RIMS2: variants seen among roughly 807,000 people sequenced by gnomAD.
RIMS2 encodes regulating synaptic membrane exocytosis protein 2.
A neutral mutation model predicts 174.4 loss-of-function variants in RIMS2; 59 were observed. The observed-to-expected ratio is 0.34, with a 90% CI of 0.27 to 0.42. RIMS2 has a LOEUF of 0.42. Ranked by LOEUF, RIMS2 falls within the 10% of genes least tolerant of loss-of-function variation. The probability of loss-of-function intolerance (pLI) is 1.00; values close to 1 mark genes in which losing one functional copy is unlikely to be tolerated. For missense variants in RIMS2, 1,620 were observed against 1,666.3 expected (o/e 0.97, Z 0.48); for synonymous variants, 606 against 572.5 (o/e 1.06, Z -0.84).
intron 2 of RIMS2, among the ~76,000 whole-genome samples, chr8:103,717,729 A>C (rs2097390972): frequency 6.6e-6 from 1 of 152,188 alleles, no homozygotes; most frequent in African/African-American, 2.4e-5. Flanking sequence ...TAAAAGTATA[A>C]TTTTGTGTGG....
At chr8:103,977,182 A>G (rs1224650033) in intron 16 of RIMS2, 1 of 152,214 alleles carries the variant, frequency 6.6e-6, no homozygotes, top group African/African-American at 2.4e-5. Flanking sequence ...ATAAGACACT[A>G]AAATAAGATT....
rs183361596 is a variant in RIMS2 at position 103,708,383 on chromosome 8, C to T, written c.387+11087C>T. On this transcript the variant is annotated intron_variant, in intron 2 of 23. Transcript: ENST00000504942. ...ATATATTCTTTCCTCTGGCTGTGCT[C>T]TCTAGGGTTGGGTGAGGAGTGGTGT... Among the ~76,000 whole-genome samples, 706 of 152,278 alleles carry T rather than the reference C, an allele frequency of 4.6e-3. 4 individuals carry two copies. Among genetic ancestry groups the T allele is most frequent in the Non-Finnish European group, 7.8e-3 (533 of 68,016 alleles).
intron 1 of RIMS2, among the ~76,000 whole-genome samples, chr8:103,586,184 A>G (rs937431730): frequency 2.0e-5 from 3 of 152,160 alleles, no homozygotes; most frequent in Admixed American, 6.5e-5. Context: ...GCATTGGACA[A>G]ATCTTCCAGA....
chr8:104,062,804 A>G (rs1465661719), intron 19 of RIMS2, among the ~76,000 whole-genome samples: 1 of 151,958 alleles, frequency 6.6e-6, no homozygotes, highest in Non-Finnish European at 1.5e-5. Flanking sequence ...TATTTTCTTT[A>G]TCTTCTTTTG....
At chr8:103,559,056 C>CTTTTTCTTT (rs2091095495) in intron 1 of RIMS2, 1 of 99,054 alleles carries the variant, frequency 1.0e-5, no homozygotes, top group African/African-American at 4.2e-5. Context: ...TATTTTTTAA[C>CTTTTTCTTT]TTTTTTTTTT....
chr8:104,247,347 A>G (rs180793623), intron 20 of RIMS2, among the ~76,000 whole-genome samples: 11 of 152,258 alleles, frequency 7.2e-5, no homozygotes, highest in Admixed American at 5.2e-4. Context: ...CTTGGCTTGC[A>G]GATGGCCACC....
At chr8:104,161,377 AG>A (rs1387360219) in intron 19 of RIMS2, among the ~76,000 whole-genome samples, 5 of 152,208 alleles carry the variant, frequency 3.3e-5, no homozygotes, top group South Asian at 4.1e-4. Flanking sequence ...ATGAGCAGAC[AG>A]AGAGTATTTG....
At chr8:103,696,449 A>G (rs1344354520) in intron 1 of RIMS2, among the ~76,000 whole-genome samples, 1 of 152,200 alleles carries the variant, frequency 6.6e-6, no homozygotes, top group Non-Finnish European at 1.5e-5. Context: ...GAAAAATAAT[A>G]TTGTAAATAT....
intron 1 of RIMS2, among the ~76,000 whole-genome samples, chr8:103,519,070 G>A (rs1004939639): frequency 1.3e-5 from 2 of 151,844 alleles, no homozygotes; most frequent in African/African-American, 4.8e-5. Context: ...ACCCTTTCAT[G>A]TATCTTTACT....
intron 4 of RIMS2, among the ~76,000 whole-genome samples, chr8:103,899,109 A>T (rs539123551): frequency 2.6e-5 from 4 of 151,444 alleles, no homozygotes; most frequent in Non-Finnish European, 4.4e-5. Flanking sequence ...ATTTTCTTAA[A>T]CCAGTCTATC....
chr8:104,216,357 C>A (rs76584763), intron 19 of RIMS2, among the ~76,000 whole-genome samples: 1 of 152,264 alleles, frequency 6.6e-6, no homozygotes, highest in East Asian at 1.9e-4. Flanking sequence ...TTATCATGGT[C>A]AACAGTTCTT....
chr8:103,898,010 C>A (rs566374145), intron 4 of RIMS2, among the ~76,000 whole-genome samples: 5 of 151,648 alleles, frequency 3.3e-5, no homozygotes, highest in African/African-American at 9.7e-5. Context: ...GATGACCTAC[C>A]ACGCGTTGTG....
intron 15 of RIMS2, among the ~76,000 whole-genome samples, chr8:103,965,815 C>A (rs921769146): frequency 2.6e-5 from 4 of 151,880 alleles, no homozygotes; most frequent in Non-Finnish European, 5.9e-5. Context: ...GAGGAAGATC[C>A]CCCATATTCC....
At chr8:104,044,501 G>T (rs1260980485) in intron 19 of RIMS2, among the ~76,000 whole-genome samples, 2 of 147,916 alleles carry the variant, frequency 1.4e-5, no homozygotes, top group African/African-American at 5.0e-5. Flanking sequence ...AAGAGGAGAG[G>T]ATTAATAATG....
intron 2 of RIMS2, among the ~76,000 whole-genome samples, chr8:103,759,275 G>T (rs2098077413): frequency 6.6e-6 from 1 of 152,084 alleles, no homozygotes; most frequent in Non-Finnish European, 1.5e-5. Context: ...GATTAAGAAA[G>T]GCCAAGAAGG....
intron 19 of RIMS2, among the ~76,000 whole-genome samples, chr8:104,211,321 C>T (rs1372092688): frequency 6.6e-6 from 1 of 152,062 alleles, no homozygotes; most frequent in East Asian, 1.9e-4. Context: ...ATTGGATTGC[C>T]AGGAAAGGCC....
chr8:104,151,815 A>C (rs1193100310), intron 19 of RIMS2, among the ~76,000 whole-genome samples: 1 of 152,172 alleles, frequency 6.6e-6, no homozygotes, highest in Non-Finnish European at 1.5e-5. Flanking sequence ...AATTATACAG[A>C]TAAAACAGCA....
chr8:103,817,568 G>A (rs867292115), intron 3 of RIMS2, among the ~76,000 whole-genome samples: 17 of 152,318 alleles, frequency 1.1e-4, no homozygotes, highest in South Asian at 4.1e-4. Context: ...ATCACTTGCG[G>A]TCAGGAGTTT....
intron 1 of RIMS2, among the ~76,000 whole-genome samples, chr8:103,654,668 T>C (rs2096501234): frequency 6.6e-6 from 1 of 151,926 alleles, no homozygotes; most frequent in Admixed American, 6.6e-5. Context: ...TCACTTACTC[T>C]CTATTCGGAT....
Sources: gnomAD v4.1 joint callset for allele counts (sites outside exome capture counted in the v4.1 genomes callset) on GRCh38, gnomAD v4.1.1 for gene constraint, MANE v1.5 for transcripts, NCBI Gene and HGNC (gene_info 2026-07-23, HGNC 2026-07-21) for gene names.